Variants in TRANK1 observed in about 807,000 individuals in gnomAD.
TRANK1 encodes the protein tetratricopeptide repeat and ankyrin repeat containing 1.
TRANK1 carries 198 observed loss-of-function variants against 266.0 expected under a neutral mutation model. The ratio of observed to expected loss-of-function variants is 0.74; its 90% CI spans 0.66 to 0.84. The LOEUF (loss-of-function observed/expected upper bound fraction) is 0.84. Among genes scored for constraint, TRANK1 ranks in the 40% least tolerant of loss-of-function variants. The pLI is 0.00. For synonymous variants in TRANK1, 1,396 were observed against 1,384.1 expected (o/e 1.01, Z -0.19); for missense variants, 3,326 against 3,634.6 (o/e 0.92, Z 2.18).
intron 1 of TRANK1, among the ~76,000 whole-genome samples, chr3:36,915,825 G>A (rs1160007354): frequency 1.3e-5 from 2 of 152,212 alleles, no homozygotes; most frequent in Non-Finnish European, 2.9e-5. Context: ...GATCTAAATA[G>A]TGAGCGGTTA....
intron 1 of TRANK1, among the ~76,000 whole-genome samples, chr3:36,929,145 AAT>A (rs2080327460): frequency 1.6e-5 from 2 of 128,544 alleles, no homozygotes; most frequent in Admixed American, 1.7e-4. Context: ...ATAAAACATT[AAT>A]TTTTTTTTTT....
intron 1 of TRANK1, among the ~76,000 whole-genome samples, chr3:36,917,527 G>A (rs775614952): frequency 6.6e-6 from 1 of 152,160 alleles, no homozygotes; most frequent in Non-Finnish European, 1.5e-5. Flanking sequence ...GAAAGATCAA[G>A]AGGTGAACTT....
At chr3:36,886,360 T>C (rs1014536600) in intron 8 of TRANK1, among the ~76,000 whole-genome samples, 16 of 151,772 alleles carry the variant, frequency 1.1e-4, no homozygotes, top group African/African-American at 3.6e-4. Flanking sequence ...CCACCCACCT[T>C]AGCCTCCCCC....
chr3:36,903,403 T>G, intron 2 of TRANK1, 128 bp from the exon 3 acceptor site: 1 of 1,198,156 alleles, frequency 8.3e-7, no homozygotes, highest in South Asian at 1.6e-5. Flanking sequence ...TCATTCATGC[T>G]TATCAGATCA....
intron 15 of TRANK1, 158 bp downstream of exon 15, chr3:36,851,561 A>C: frequency 2.5e-6 from 3 of 1,214,190 alleles, no homozygotes; most frequent in Non-Finnish European, 3.3e-6. Context: ...ACCCACATCT[A>C]AACACACAAA....
At chr3:36,930,529 T>C (rs1460043356) in intron 1 of TRANK1, among the ~76,000 whole-genome samples, 3 of 152,228 alleles carry the variant, frequency 2.0e-5, no homozygotes, top group Non-Finnish European at 2.9e-5. Flanking sequence ...TCATTCATTA[T>C]GGCAGCAATA....
intron 9 of TRANK1, among the ~76,000 whole-genome samples, chr3:36,866,715 C>T (rs766455656): frequency 2.4e-4 from 37 of 152,202 alleles, no homozygotes; most frequent in African/African-American, 7.7e-4. Flanking sequence ...GCAAAACAGC[C>T]GCTATAAGTC....
chr3:36,829,282 T>C (rs1415541301), intron 23 of TRANK1, among the ~76,000 whole-genome samples: 2 of 152,164 alleles, frequency 1.3e-5, no homozygotes, highest in Non-Finnish European at 2.9e-5. Flanking sequence ...GTCACTGCAT[T>C]GAGTATGTGC....
At chr3:36,878,662 C>T (rs1276979505) in intron 8 of TRANK1, among the ~76,000 whole-genome samples, 1 of 151,750 alleles carries the variant, frequency 6.6e-6, no homozygotes, top group South Asian at 2.1e-4. Context: ...TTATCAGGTA[C>T]TATACGTATT....
intron 1 of TRANK1, among the ~76,000 whole-genome samples, chr3:36,918,606 GGAAAGAAAGAAA>G (rs1180042549): frequency 1.8e-4 from 4 of 22,134 alleles, no homozygotes; most frequent in African/African-American, 6.3e-4. Flanking sequence ...AAGGAAGGAA[GGAAAGAAAGAAA>G]GAAAGAAAGA....
chr3:36,904,147 G>A (rs929798057), intron 2 of TRANK1, among the ~76,000 whole-genome samples: 2 of 151,642 alleles, frequency 1.3e-5, no homozygotes, highest in African/African-American at 4.8e-5. Flanking sequence ...GTAGAGATGG[G>A]GTTTCACCAT....
In TRANK1 at chr3:36,833,838, T is replaced by G. The variant is rs2078732357; in HGVS notation, c.5745A>C (p.Ala1915=). ...YSASQFYLEA[A]AKYLSANKMK... The stretch of plus-strand genomic sequence containing the variant: ...TCTTATTTGCACTCAGATACTTTGC[T>G]GCAGCTTCCAAGTAAAACTGACTGG... The change falls in exon 22 of 24, where the codon GCA becomes GCC. Residue 1915 remains alanine (A), a synonymous_variant. Transcript: ENST00000645898. 1 of 1,614,050 alleles carries G rather than the reference T, an allele frequency of 6.2e-7. No homozygotes were observed. Among genetic ancestry groups the G allele is most frequent in the African/African-American group, 1.3e-5 (1 of 75,060 alleles).
rs1477107899 is a variant in TRANK1, at chr3:36,851,797, T to C, written c.4809A>G (p.Ala1603=). The C allele has an allele frequency of 1.2e-6, 2 of 1,611,840 alleles. No individual in the cohort carries two copies. ...KEKIPEELGL[A]LVLTIYEAKG... is the part of the protein sequence containing the mutation. ...TTGCTTCATAAATTGTTAGCACAAG[T>C]GCTAACCCCAGCTCTTCTGGAATTT... is the stretch of plus-strand genomic sequence containing the variant. Residue 1603 remains alanine, a synonymous_variant, in exon 15 of 24, where the codon GCA becomes GCG. Coordinates refer to ENST00000645898, the MANE Select transcript of TRANK1 (RefSeq NM_001329998.2).
rs188351488 is a variant in TRANK1 at position 36,869,902 on chromosome 3, T to C, written c.1078+4224A>G. 4.3e-4 allele frequency among the ~76,000 whole-genome samples: 66 copies of C among 152,330 alleles called. 1 individual carries two copies. The highest frequency in any genetic ancestry group is 1.5e-3 in the African/African-American group (61 of 41,574). On this transcript the variant is annotated intron_variant, in intron 9 of 23. Transcript: ENST00000645898. Reference sequence around the variant, plus strand: ...GGACATTTCCATCATCTAGGAAAATTATACTTCATGGACCTAGTCTAGAAA... The same window carrying C: ...GGACATTTCCATCATCTAGGAAAATCATACTTCATGGACCTAGTCTAGAAA...
intron 22 of TRANK1, 128 bp from the exon 23 acceptor site, chr3:36,829,790 T>G: frequency 1.0e-6 from 1 of 965,966 alleles, no homozygotes; most frequent in Non-Finnish European, 1.6e-6. Context: ...AGAGCCCTCC[T>G]TATCGGGTAA....
At chr3:36,900,230 A>G (rs995990117) in intron 3 of TRANK1, among the ~76,000 whole-genome samples, 2 of 152,216 alleles carry the variant, frequency 1.3e-5, no homozygotes, top group Non-Finnish European at 2.9e-5. Context: ...AAGAATGAAA[A>G]TAATCCTTTG....
chr3:36,892,001 C>T (rs535933488), intron 7 of TRANK1, among the ~76,000 whole-genome samples: 1 of 152,340 alleles, frequency 6.6e-6, no homozygotes, highest in South Asian at 2.1e-4. Context: ...CCGTTTGGAC[C>T]TCCTGCAGCT....
chr3:36,919,939 T>C (rs1164703791), intron 1 of TRANK1, among the ~76,000 whole-genome samples: 1 of 152,236 alleles, frequency 6.6e-6, no homozygotes, highest in African/African-American at 2.4e-5. Flanking sequence ...GTTTTGTTTT[T>C]AATAATTAAC....
At chr3:36,918,506 A>AAGGAAG (rs2080160287) in intron 1 of TRANK1, among the ~76,000 whole-genome samples, 1 of 31,502 alleles carries the variant, frequency 3.2e-5, no homozygotes, top group African/African-American at 1.3e-4. Flanking sequence ...AAAGAAAGAA[A>AAGGAAG]GAAAGAAAGA....
Sources: gnomAD v4.1 joint callset for allele counts (sites outside exome capture counted in the v4.1 genomes callset) on GRCh38, gnomAD v4.1.1 for gene constraint, MANE v1.5 for transcripts, NCBI Gene and HGNC (gene_info 2026-07-23, HGNC 2026-07-21) for gene names.